Variants in DLG2 observed in about 807,000 individuals in gnomAD.
The protein encoded by DLG2 is discs large MAGUK scaffold protein 2.
Under a neutral mutation model 132.5 loss-of-function variants are expected in DLG2, and 45 were observed. The ratio of observed to expected loss-of-function variants is 0.34; its 90% CI spans 0.27 to 0.44. The LOEUF is 0.44. Ranked by LOEUF, DLG2 falls within the 20% of genes least tolerant of loss-of-function variation. The pLI is 1.00. For missense variants in DLG2, 1,045 were observed against 1,196.9 expected (o/e 0.87, Z 1.87); for synonymous variants, 424 against 419.6 (o/e 1.01, Z -0.13).
At chr11:85,397,295 G>C (rs1302228049) in intron 3 of DLG2, among the ~76,000 whole-genome samples, 1 of 152,066 alleles carries the variant, frequency 6.6e-6, no homozygotes, top group Non-Finnish European at 1.5e-5. Context: ...ACATGGAAAG[G>C]AACAACAAGT....
rs565437003 is a variant in DLG2, at chr11:85,399,336, G to A, written c.41-113971C>T. ...CTCATGGGTAGGAAGAATCAATATCGTGAAAATGGCCATACTGCCCAAGGT... is the reference window on the plus strand; with the variant it reads ...CTCATGGGTAGGAAGAATCAATATCATGAAAATGGCCATACTGCCCAAGGT... On this transcript the variant is annotated intron_variant, in intron 3 of 27. Transcript: ENST00000376104. 1.8e-3 allele frequency among the ~76,000 whole-genome samples: 276 copies of A among 150,494 alleles called. 1 individual carries two copies. In the Middle Eastern group the frequency reaches 0.028, roughly 15 times the overall value.
At chr11:85,467,885 C>T (rs1015716629) in intron 3 of DLG2, among the ~76,000 whole-genome samples, 6 of 152,144 alleles carry the variant, frequency 3.9e-5, no homozygotes, top group Non-Finnish European at 1.5e-5. Flanking sequence ...AGAAGTAATG[C>T]TACCAGCAAC....
At chr11:84,521,957 T>C (rs2099303038) in intron 7 of DLG2, among the ~76,000 whole-genome samples, 1 of 152,090 alleles carries the variant, frequency 6.6e-6, no homozygotes, top group Non-Finnish European at 1.5e-5. Context: ...GGTCAGGAGT[T>C]CAAGACCAGC....
At chr11:85,341,769 G>T (rs1380580113) in intron 3 of DLG2, among the ~76,000 whole-genome samples, 2 of 152,122 alleles carry the variant, frequency 1.3e-5, no homozygotes, top group African/African-American at 4.8e-5. Context: ...ATCATAGAGT[G>T]TACTTACACA....
At chr11:85,146,764 G>A (rs2076889009) in intron 5 of DLG2, among the ~76,000 whole-genome samples, 1 of 152,124 alleles carries the variant, frequency 6.6e-6, no homozygotes, top group South Asian at 2.1e-4. Flanking sequence ...CAAGTCCACT[G>A]GCCCCAAGCC....
rs535583649 is a variant in DLG2, at chr11:83,995,518, CTA to C, written c.920-14878_920-14877del. Among the ~76,000 whole-genome samples, 57 of 152,210 alleles carry C rather than the reference CTA, an allele frequency of 3.7e-4. No individual in the cohort carries two copies. In the East Asian group the frequency reaches 8.7e-3, roughly 23 times the overall value. ...GCTGTTGTTTAAAAAATACATCAAG[CTA>C]TCCTAAGAAAAAAAGAACAAAACTG... On this transcript the variant is annotated intron_variant, in intron 11 of 27. Transcript: ENST00000376104.
At chr11:85,307,465 G>T (rs929388664) in intron 3 of DLG2, among the ~76,000 whole-genome samples, 1 of 152,128 alleles carries the variant, frequency 6.6e-6, no homozygotes, top group African/African-American at 2.4e-5. Flanking sequence ...TAATTATGAA[G>T]ATAACTACTT....
chr11:84,502,137 CT>C (rs1440221549), intron 7 of DLG2, among the ~76,000 whole-genome samples: 985 of 65,476 alleles, frequency 0.015, 57 homozygotes, highest in South Asian at 0.027. Context: ...TCTCTTTCTC[CT>C]TTCTTTCCTT....
At chr11:84,373,265 C>CAAAAAAAAAAAAAAAAAAAA (rs59038372) in intron 7 of DLG2, among the ~76,000 whole-genome samples, 2 of 98,090 alleles carry the variant, frequency 2.0e-5, no homozygotes, top group African/African-American at 4.6e-5. Flanking sequence ...AAAAAAAAAA[C>CAAAAAAAAAAAAAAAAAAAA]AAAACAAAAA....
At chr11:84,827,204 C>A (rs912461117) in intron 6 of DLG2, among the ~76,000 whole-genome samples, 16 of 151,622 alleles carry the variant, frequency 1.1e-4, no homozygotes, top group African/African-American at 3.9e-4. Context: ...GTGATGGGGT[C>A]AACATTCAAA....
At chr11:84,006,723 T>C (rs2094590186) in intron 11 of DLG2, among the ~76,000 whole-genome samples, 1 of 151,600 alleles carries the variant, frequency 6.6e-6, no homozygotes, top group African/African-American at 2.4e-5. Flanking sequence ...TCTCTTTTTA[T>C]AATAAAGCAT....
intron 16 of DLG2, among the ~76,000 whole-genome samples, chr11:83,841,149 C>T (rs762564834): frequency 5.9e-5 from 9 of 152,120 alleles, no homozygotes; most frequent in Non-Finnish European, 1.3e-4. Context: ...ATCATAATAT[C>T]CTGGAGGTGA....
intron 15 of DLG2, among the ~76,000 whole-genome samples, chr11:83,916,540 T>G (rs950178591): frequency 5.9e-5 from 9 of 152,162 alleles, no homozygotes; most frequent in African/African-American, 2.2e-4. Flanking sequence ...GGTCTCAGAC[T>G]CCTGGCCTCA....
intron 3 of DLG2, among the ~76,000 whole-genome samples, chr11:85,532,670 C>T (rs760665955): frequency 6.6e-6 from 1 of 152,098 alleles, no homozygotes; most frequent in Non-Finnish European, 1.5e-5. Context: ...TTCTTTTTAA[C>T]TTAATCTGTT....
chr11:84,784,634 C>G (rs73514914), intron 6 of DLG2, among the ~76,000 whole-genome samples: 2,690 of 151,996 alleles, frequency 0.018, 85 homozygotes, highest in African/African-American at 0.062. Flanking sequence ...CATATAAAGA[C>G]TCTTGCTTTT....
intron 7 of DLG2, among the ~76,000 whole-genome samples, chr11:84,336,028 T>C (rs1462405101): frequency 6.6e-6 from 1 of 152,224 alleles, no homozygotes; most frequent in African/African-American, 2.4e-5. Context: ...AACATGCATA[T>C]CCATATTCAT....
At chr11:84,315,630 T>C (rs929837053) in intron 7 of DLG2, among the ~76,000 whole-genome samples, 1 of 152,200 alleles carries the variant, frequency 6.6e-6, no homozygotes, top group Non-Finnish European at 1.5e-5. Flanking sequence ...ACTTCTATTT[T>C]AAGCCAAACC....
chr11:84,750,516 T>G (rs11234155), intron 6 of DLG2, among the ~76,000 whole-genome samples: 1 of 152,026 alleles, frequency 6.6e-6, no homozygotes, highest in Non-Finnish European at 1.5e-5. Flanking sequence ...TCCAAATTTA[T>G]TTTTAAAAAA....
chr11:84,457,665 T>G (rs764593902), intron 7 of DLG2, among the ~76,000 whole-genome samples: 1 of 150,968 alleles, frequency 6.6e-6, no homozygotes, highest in Non-Finnish European at 1.5e-5. Context: ...CGACCCTGAA[T>G]GATGTTTCCA....
Sources: allele counts gnomAD v4.1 joint callset (sites outside exome capture counted in the v4.1 genomes callset), GRCh38; gene constraint gnomAD v4.1.1; transcripts MANE v1.5; gene names NCBI Gene and HGNC (gene_info 2026-07-23, HGNC 2026-07-21).